The following NAALADL2 variants were observed in gnomAD, a reference collection of about 807,000 sequenced individuals.
The protein encoded by NAALADL2 is inactive N-acetylated-alpha-linked acidic dipeptidase-like protein 2.
Under a neutral mutation model 87.2 loss-of-function variants are expected in NAALADL2, and 76 were observed. The observed-to-expected ratio is 0.87, with a 90% CI of 0.72 to 1.05. The LOEUF is 1.05. NAALADL2 is among the 50% of genes least tolerant of loss of function. NAALADL2 has a pLI of 0.00. For synonymous variants in NAALADL2, 354 were observed against 331.0 expected, an observed-to-expected ratio of 1.07 and a Z score of -0.75; for missense variants, 1,089 against 945.8, an observed-to-expected ratio of 1.15 and a Z score of -1.99.
chr3:175,763,831 A>AAC (rs140976173), intron 13 of NAALADL2, among the ~76,000 whole-genome samples: 6,152 of 152,038 alleles, frequency 0.04, 197 homozygotes, highest in Non-Finnish European at 0.056. Context: ...TCCCCATTCT[A>AAC]ACACACACAC....
intron 1 of NAALADL2, among the ~76,000 whole-genome samples, chr3:174,499,561 A>C (rs905627829): frequency 6.6e-6 from 1 of 152,166 alleles, no homozygotes; most frequent in Non-Finnish European, 1.5e-5. Context: ...TTACAGTTTT[A>C]AGTTTAGATC....
chr3:175,376,082 A>G (rs1262110951), intron 5 of NAALADL2, among the ~76,000 whole-genome samples: 4 of 152,118 alleles, frequency 2.6e-5, no homozygotes, highest in Non-Finnish European at 5.9e-5. Context: ...AGAATGCTTA[A>G]TTCAGCAATT....
At chr3:175,342,631 G>A (rs762951978) in intron 5 of NAALADL2, among the ~76,000 whole-genome samples, 2 of 152,044 alleles carry the variant, frequency 1.3e-5, no homozygotes, top group Non-Finnish European at 2.9e-5. Flanking sequence ...TAATGTAGAT[G>A]TTCAAACAAA....
At chr3:174,959,589 T>G (rs1195087127) in intron 1 of NAALADL2, among the ~76,000 whole-genome samples, 1 of 152,040 alleles carries the variant, frequency 6.6e-6, no homozygotes, top group Non-Finnish European at 1.5e-5. Context: ...CATTAAATGA[T>G]GATCTGGGAA....
chr3:175,030,362 T>G (rs1187789247), intron 1 of NAALADL2, among the ~76,000 whole-genome samples: 1 of 152,120 alleles, frequency 6.6e-6, no homozygotes, highest in Non-Finnish European at 1.5e-5. Flanking sequence ...AATATATTTC[T>G]AATATTGTGT....
chr3:174,915,869 A>G (rs1271938022), intron 1 of NAALADL2, among the ~76,000 whole-genome samples: 1 of 152,186 alleles, frequency 6.6e-6, no homozygotes. Flanking sequence ...ACAAAATTAG[A>G]TAAATGGGAC....
chr3:175,485,539 T>G (rs1393407721), intron 9 of NAALADL2, among the ~76,000 whole-genome samples: 1 of 152,074 alleles, frequency 6.6e-6, no homozygotes, highest in Non-Finnish European at 1.5e-5. Context: ...TCTGAGAGCC[T>G]CTGGAAAACC....
chr3:175,033,528 T>C (rs1213262924), intron 1 of NAALADL2, among the ~76,000 whole-genome samples: 1 of 152,128 alleles, frequency 6.6e-6, no homozygotes. Flanking sequence ...TGAAATTCCT[T>C]TTGTCAAGGT....
intron 2 of NAALADL2, among the ~76,000 whole-genome samples, chr3:175,227,955 G>A (rs923328871): frequency 1.3e-5 from 2 of 151,872 alleles, no homozygotes; most frequent in African/African-American, 4.8e-5. Context: ...TACAATTTAA[G>A]AGTTATTTTT....
intron 13 of NAALADL2, among the ~76,000 whole-genome samples, chr3:175,772,658 TTTGATC>T (rs1448375621): frequency 6.6e-6 from 1 of 152,202 alleles, no homozygotes; most frequent in African/African-American, 2.4e-5. Context: ...GGGTTCCGTC[TTTGATC>T]TCAGAGACAT....
At chr3:174,995,489 G>A (rs1747317424) in intron 1 of NAALADL2, among the ~76,000 whole-genome samples, 1 of 152,062 alleles carries the variant, frequency 6.6e-6, no homozygotes, top group African/African-American at 2.4e-5. Context: ...ATTCACTTAG[G>A]GAGAGGTATT....
chr3:174,580,221 T>C (rs546244438), intron 2 of NAALADL2, among the ~76,000 whole-genome samples: 1 of 152,192 alleles, frequency 6.6e-6, no homozygotes, highest in East Asian at 1.9e-4. Flanking sequence ...TGAGTAGTCA[T>C]GGTAACAAAA....
intron 1 of NAALADL2, among the ~76,000 whole-genome samples, chr3:174,945,362 A>G (rs1266869726): frequency 1.1e-4 from 17 of 152,276 alleles, no homozygotes; most frequent in Non-Finnish European, 2.2e-4. Context: ...ATTTTCACTC[A>G]GGCCTGGTTG....
At chr3:174,480,015 A>T (rs911684548) in intron 1 of NAALADL2, among the ~76,000 whole-genome samples, 1 of 152,118 alleles carries the variant, frequency 6.6e-6, no homozygotes, top group African/African-American at 2.4e-5. Flanking sequence ...TCACTCACTA[A>T]TTAATTTTTG....
chr3:175,679,313 T>TCTGTTA (rs1735277584), intron 11 of NAALADL2, among the ~76,000 whole-genome samples: 1 of 151,760 alleles, frequency 6.6e-6, no homozygotes, highest in Non-Finnish European at 1.5e-5. Context: ...ATGCTAAATG[T>TCTGTTA]CTGTTACTAT....
intron 5 of NAALADL2, among the ~76,000 whole-genome samples, chr3:175,386,212 G>A (rs1768358709): frequency 7.0e-6 from 1 of 142,236 alleles, no homozygotes; most frequent in African/African-American, 2.7e-5. Context: ...ATTGAATTTG[G>A]TTGATAGATC....
intron 1 of NAALADL2, among the ~76,000 whole-genome samples, chr3:174,918,328 C>T (rs1218744873): frequency 6.6e-6 from 1 of 151,686 alleles, no homozygotes; most frequent in Non-Finnish European, 1.5e-5. Flanking sequence ...GGATATTAGC[C>T]CCTCTGCTTA....
intron 1 of NAALADL2, among the ~76,000 whole-genome samples, chr3:174,881,855 T>G (rs1729231891): frequency 6.6e-6 from 1 of 152,108 alleles, no homozygotes; most frequent in Non-Finnish European, 1.5e-5. Context: ...CAAAGAGAGA[T>G]ATATGGAGAA....
intron 2 of NAALADL2, among the ~76,000 whole-genome samples, chr3:174,684,275 C>G (rs61285650): frequency 0.04 from 6,025 of 152,036 alleles, 436 homozygotes; most frequent in African/African-American, 0.14. Flanking sequence ...TTTACTTGAT[C>G]AACAAATTGC....
Sources: gnomAD v4.1 joint callset for allele counts (sites outside exome capture counted in the v4.1 genomes callset) on GRCh38, gnomAD v4.1.1 for gene constraint, MANE v1.5 for transcripts, NCBI Gene and HGNC (gene_info 2026-07-23, HGNC 2026-07-21) for gene names.